The following PLEKHA5 variants were observed in gnomAD, a reference collection of about 807,000 sequenced individuals.
PLEKHA5 encodes pleckstrin homology domain-containing family A member 5.
PLEKHA5 carries 55 observed loss-of-function variants against 181.9 expected under a neutral mutation model. The ratio of observed to expected loss-of-function variants is 0.30; its 90% CI spans 0.24 to 0.38. The LOEUF (loss-of-function observed/expected upper bound fraction) is 0.38. PLEKHA5 is among the 10% of genes least tolerant of loss of function. PLEKHA5 has a pLI of 1.00. For missense variants in PLEKHA5, 1,432 were observed against 1,549.5 expected, an observed-to-expected ratio of 0.92 and a Z score of 1.27; for synonymous variants, 535 against 529.4, an observed-to-expected ratio of 1.01 and a Z score of -0.15.
intron 3 of PLEKHA5, among the ~76,000 whole-genome samples, chr12:19,195,819 T>C (rs1356149171): frequency 6.6e-6 from 1 of 152,090 alleles, no homozygotes; most frequent in Non-Finnish European, 1.5e-5. Flanking sequence ...ATATCATAGA[T>C]ATCTTCCATG....
At chr12:19,302,668 G>C (rs563649238) in intron 15 of PLEKHA5, among the ~76,000 whole-genome samples, 1 of 151,794 alleles carries the variant, frequency 6.6e-6, no homozygotes, top group African/African-American at 2.4e-5. Context: ...AAGTGCTGCC[G>C]TTACAGATGT....
chr12:19,167,643 G>A (rs1716519070), intron 3 of PLEKHA5, among the ~76,000 whole-genome samples: 2 of 152,032 alleles, frequency 1.3e-5, no homozygotes, highest in Non-Finnish European at 2.9e-5. Context: ...ACTAGGTGAT[G>A]TGTTCTTTAC....
intron 6 of PLEKHA5, among the ~76,000 whole-genome samples, chr12:19,260,486 A>G (rs1198352187): frequency 1.3e-5 from 2 of 152,080 alleles, no homozygotes; most frequent in African/African-American, 4.8e-5. Context: ...CTAGAAAACT[A>G]CCTCCAAATT....
intron 10 of PLEKHA5, among the ~76,000 whole-genome samples, chr12:19,274,175 A>T (rs2073899143): frequency 6.6e-6 from 1 of 152,198 alleles, no homozygotes; most frequent in Non-Finnish European, 1.5e-5. Context: ...CTTTCAAGGG[A>T]CTATCTACTG....
chr12:19,302,949 T>C (rs1426814167), intron 15 of PLEKHA5, among the ~76,000 whole-genome samples: 2 of 118,172 alleles, frequency 1.7e-5, no homozygotes, highest in Admixed American at 1.1e-4. Context: ...TGAGATGGAG[T>C]CCTGCTCTGT....
intron 22 of PLEKHA5, among the ~76,000 whole-genome samples, chr12:19,344,881 G>A (rs981792127): frequency 6.6e-6 from 1 of 151,768 alleles, no homozygotes; most frequent in African/African-American, 2.4e-5. Context: ...GGCCGAGGCA[G>A]GCGGATCACT....
At position 19,130,220 on chromosome 12, in the gene PLEKHA5, CGGGCCCCGG is replaced by C. The variant is rs2033098646; in HGVS notation, c.169+92_169+100del. On this transcript the variant is annotated intron_variant, in intron 2 of 31. Coordinates refer to ENST00000429027, the MANE Select transcript of PLEKHA5 (RefSeq NM_001256470.2). The surrounding 1 kb of genome is among the most constrained non-coding windows in gnomAD (Gnocchi z 4.5). ...GCTCCCCGCAACCTGCCCCGCGCCGCGGGCCCCGGGAGGCGGCGAGGCGGGGCGGAGGCC... is the reference window on the plus strand; with the variant it reads ...GCTCCCCGCAACCTGCCCCGCGCCGCGAGGCGGCGAGGCGGGGCGGAGGCC... 1.4e-6 allele frequency: 1 copy of C among 723,572 alleles called. No homozygotes were observed. Among genetic ancestry groups the C allele is most frequent in the Non-Finnish European group, 1.9e-6 (1 of 521,092 alleles). The allele number at this position is 723,572 out of a possible 1,614,324, so 44.8% of individuals were successfully genotyped here.
At chr12:19,334,614 G>A (rs1015634775) in intron 20 of PLEKHA5, among the ~76,000 whole-genome samples, 1 of 151,462 alleles carries the variant, frequency 6.6e-6, no homozygotes, top group Non-Finnish European at 1.5e-5. Context: ...AGTTTTTGTG[G>A]TGCACACAAA....
intron 15 of PLEKHA5, among the ~76,000 whole-genome samples, chr12:19,307,965 A>G (rs1225525815): frequency 6.6e-6 from 1 of 152,128 alleles, no homozygotes; most frequent in African/African-American, 2.4e-5. Context: ...TAGGTATGAA[A>G]GAGAACGATC....
chr12:19,145,135 T>A (rs1281338947), intron 3 of PLEKHA5, among the ~76,000 whole-genome samples: 1 of 152,112 alleles, frequency 6.6e-6, no homozygotes, highest in Non-Finnish European at 1.5e-5. Context: ...TTGGGTTATA[T>A]GAGTGTGTAG....
chr12:19,173,097 C>T (rs1426510161), intron 3 of PLEKHA5, among the ~76,000 whole-genome samples: 1 of 132,020 alleles, frequency 7.6e-6, no homozygotes, highest in African/African-American at 2.8e-5. Context: ...AATCTCGGCT[C>T]ACTGCAAGCT....
At chr12:19,346,873 C>A in intron 23 of PLEKHA5, 121 bp from the exon 24 acceptor site, 1 of 595,130 alleles carries the variant, frequency 1.7e-6, no homozygotes, top group Non-Finnish European at 2.7e-6. Context: ...AGACTTTTGG[C>A]TTGGCAGTGT....
intron 3 of PLEKHA5, 54 bp downstream of exon 3, chr12:19,132,504 T>A: frequency 2.3e-6 from 2 of 866,766 alleles, no homozygotes; most frequent in Non-Finnish European, 1.9e-6. Context: ...CTGTGATTAC[T>A]CCTCAGCTGA....
At position 19,341,751 on chromosome 12, in the gene PLEKHA5, G is replaced by T. The variant is rs570398918; in HGVS notation, c.2551-1572G>T. Reference sequence around the variant, plus strand: ...AACATATTGCTTTTTTTTTCCCCCTGTGACAGAGTCTCACTCTGTCACCTA... The same window carrying T: ...AACATATTGCTTTTTTTTTCCCCCTTTGACAGAGTCTCACTCTGTCACCTA... On this transcript the variant is annotated intron_variant, in intron 21 of 31. Transcript: ENST00000429027. Among the ~76,000 whole-genome samples the T allele has an allele frequency of 2.7e-5, 4 of 149,912 alleles. No individual in the cohort carries two copies. The South Asian group carries it at 8.4e-4, about 31-fold the overall frequency.
chr12:19,214,052 A>C, intron 3 of PLEKHA5, among the ~76,000 whole-genome samples: 1 of 152,220 alleles, frequency 6.6e-6, no homozygotes, highest in Non-Finnish European at 1.5e-5. Context: ...ATTGAATGAT[A>C]AGGTTAATAA....
chr12:19,177,494 G>T (rs905126645), intron 3 of PLEKHA5, among the ~76,000 whole-genome samples: 2 of 152,148 alleles, frequency 1.3e-5, no homozygotes, highest in African/African-American at 4.8e-5. Context: ...TTATGCAGAC[G>T]AGTTTCATTT....
At position 19,322,371 on chromosome 12, in the gene PLEKHA5, AGCAAC is replaced by A. The variant is rs2091082838; in HGVS notation, c.2280_2284del (p.Gln760HisfsTer9). The A allele has an allele frequency of 6.2e-7, 1 of 1,612,242 alleles. No homozygotes were observed. Among genetic ancestry groups the A allele is most frequent in the Non-Finnish European group, 8.5e-7 (1 of 1,178,424 alleles). ...GTGCATGCTCTGGAAGAGAAACTTC[AGCAAC>A]TCCACAAGGAGAAAGTAGGACAATT... On this transcript the variant is annotated frameshift_variant, in exon 19 of 32. Transcript: ENST00000429027. LOFTEE classifies it high-confidence loss of function.
At chr12:19,286,069 T>C (rs2077152715) in intron 12 of PLEKHA5, among the ~76,000 whole-genome samples, 1 of 152,224 alleles carries the variant, frequency 6.6e-6, no homozygotes, top group South Asian at 2.1e-4. Flanking sequence ...GTTTGAGTTT[T>C]CAAGCAAAAA....
At chr12:19,367,101 G>A (rs929618932) in intron 30 of PLEKHA5, among the ~76,000 whole-genome samples, 1 of 151,934 alleles carries the variant, frequency 6.6e-6, no homozygotes, top group Non-Finnish European at 1.5e-5. Context: ...GGCCAGGCTG[G>A]TCTGGAACTC....
Sources: allele counts gnomAD v4.1 joint callset (sites outside exome capture counted in the v4.1 genomes callset), GRCh38; gene constraint gnomAD v4.1.1; non-coding constraint Gnocchi (gnomAD v3.1); transcripts MANE v1.5; gene names NCBI Gene and HGNC (gene_info 2026-07-23, HGNC 2026-07-21).